ORC2: variants seen among roughly 807,000 people sequenced by gnomAD.
ORC2 encodes origin recognition complex subunit 2, also known as origin recognition complex protein 2 homolog.
ORC2 carries 37 observed loss-of-function variants against 77.7 expected under a neutral mutation model. That is an observed-to-expected ratio of 0.48 (90% CI 0.37 to 0.63). The LOEUF (loss-of-function observed/expected upper bound fraction) is 0.63. ORC2 is among the 20% of genes least tolerant of loss of function. The probability of loss-of-function intolerance (pLI) is 0.00; values close to 1 mark genes in which losing one functional copy is unlikely to be tolerated. For missense variants in ORC2, 557 were observed against 661.9 expected (o/e 0.84, Z 1.74); for synonymous variants, 201 against 229.5 (o/e 0.88, Z 1.12).
At chr2:200,930,375 G>A (rs907341873) in intron 11 of ORC2, among the ~76,000 whole-genome samples, 2 of 151,968 alleles carry the variant, frequency 1.3e-5, no homozygotes, top group African/African-American at 2.4e-5. Context: ...CACGCTGGGA[G>A]AAAAAAATGA....
intron 3 of ORC2, among the ~76,000 whole-genome samples, 172 bp from the exon 4 acceptor site, chr2:200,957,716 A>T (rs1266998686): frequency 1.4e-5 from 2 of 146,436 alleles, no homozygotes; most frequent in African/African-American, 5.0e-5. Context: ...TTATATAGTT[A>T]AAAAAAAAAA....
chr2:200,941,391 C>G (rs2041149697), intron 6 of ORC2, 112 bp from the exon 7 acceptor site: 1 of 903,872 alleles, frequency 1.1e-6, no homozygotes, highest in Non-Finnish European at 1.7e-6. Context: ...ATCTGTAATC[C>G]CAGCACTTTG....
intron 4 of ORC2, among the ~76,000 whole-genome samples, chr2:200,950,284 T>C (rs1017139692): frequency 6.6e-6 from 1 of 152,156 alleles, no homozygotes; most frequent in African/African-American, 2.4e-5. Flanking sequence ...TGAGCAGAGA[T>C]TGTGCCACTG....
chr2:200,930,569 G>T (rs2040922704), intron 11 of ORC2, among the ~76,000 whole-genome samples: 1 of 142,140 alleles, frequency 7.0e-6, no homozygotes, highest in African/African-American at 2.6e-5. Flanking sequence ...CAATCCTCCT[G>T]CCTTGGCCTC....
At chr2:200,950,054 C>T (rs1331645700) in intron 4 of ORC2, among the ~76,000 whole-genome samples, 5 of 152,028 alleles carry the variant, frequency 3.3e-5, no homozygotes, top group Non-Finnish European at 7.4e-5. Context: ...CTTTCTTGGC[C>T]GGGCGCAGTG....
intron 7 of ORC2, 51 bp downstream of exon 7, chr2:200,941,197 C>G (rs2041145525): frequency 6.8e-7 from 1 of 1,463,310 alleles, no homozygotes; most frequent in African/African-American, 1.4e-5. Flanking sequence ...AATTTTTCAT[C>G]ATGTCTTACT....
intron 15 of ORC2, among the ~76,000 whole-genome samples, chr2:200,917,762 G>T (rs2040681746): frequency 6.6e-6 from 1 of 152,078 alleles, no homozygotes; most frequent in Non-Finnish European, 1.5e-5. Flanking sequence ...GCTTTGGGAG[G>T]AGGGTACATG....
intron 11 of ORC2, among the ~76,000 whole-genome samples, chr2:200,930,963 C>T (rs1457241865): frequency 1.3e-5 from 2 of 151,820 alleles, no homozygotes; most frequent in Non-Finnish European, 2.9e-5. Flanking sequence ...AAATATTATC[C>T]TTTCATTTAA....
rs541263745 is a variant in ORC2 at position 200,920,259 on chromosome 2, G to A, written c.1429C>T (p.Leu477Phe). The A allele has an allele frequency of 2.4e-5, 39 of 1,613,750 alleles. No homozygotes were observed. In the East Asian group the frequency reaches 8.3e-4, roughly 34 times the overall value. ...KQSGSLPLSS[L>F]THVLRSLTPN... The stretch of plus-strand genomic sequence containing the variant: ...GTAAGGCTTCGTAAGACATGAGTAA[G>A]GGAGCTAAGTGGCAGGGATCCAGAC... Residue 477 changes from leucine (L) to phenylalanine (F), a missense_variant, in exon 15 of 18, where the codon CTT becomes TTT. Coordinates refer to ENST00000234296, the MANE Select transcript of ORC2 (RefSeq NM_006190.5).
Position 200,910,578 on chromosome 2 carries a change from T to C in ORC2, c.*723A>G, listed in dbSNP as rs1383904151. ...TCTCTAGCCTGGCTTCTCACTGGTATCATGAAGGTCATGGCACAGACAATA... is the reference window on the plus strand; with the variant it reads ...TCTCTAGCCTGGCTTCTCACTGGTACCATGAAGGTCATGGCACAGACAATA... On this transcript the variant is annotated 3_prime_UTR_variant, in exon 18 of 18. Coordinates refer to ENST00000234296, the MANE Select transcript of ORC2 (RefSeq NM_006190.5). 6.6e-6 allele frequency: 1 copy of C among 152,244 alleles called. No homozygotes were observed. Among genetic ancestry groups the C allele is most frequent in the Non-Finnish European group, 1.5e-5 (1 of 68,034 alleles). 9.4% of individuals were successfully genotyped at this position (152,244 alleles called of 1,614,324 possible).
chr2:200,919,017 G>T (rs181843244), intron 15 of ORC2, among the ~76,000 whole-genome samples: 63 of 152,226 alleles, frequency 4.1e-4, no homozygotes, highest in Admixed American at 1.8e-3. Context: ...TTTTTGTAGA[G>T]ATGTAGTCTC....
At chr2:200,925,115 T>G (rs1230924770) in intron 13 of ORC2, among the ~76,000 whole-genome samples, 1 of 152,148 alleles carries the variant, frequency 6.6e-6, no homozygotes, top group Non-Finnish European at 1.5e-5. Context: ...GACAAACTTG[T>G]ACCACTCAAG....
chr2:200,951,796 C>T (rs184835377), intron 4 of ORC2, among the ~76,000 whole-genome samples: 29 of 152,160 alleles, frequency 1.9e-4, no homozygotes, highest in African/African-American at 6.7e-4. Context: ...GATTAAAAGT[C>T]CTTTATCAGA....
At chr2:200,933,730 AAAG>A (rs2040983493) in intron 10 of ORC2, 143 bp downstream of exon 10, 1 of 504,942 alleles carries the variant, frequency 2.0e-6, no homozygotes, top group Non-Finnish European at 3.5e-6. Flanking sequence ...TTATATAATA[AAAG>A]AAGTAATAAT....
At chr2:200,929,040 C>T (rs575856519) in intron 11 of ORC2, among the ~76,000 whole-genome samples, 1 of 151,988 alleles carries the variant, frequency 6.6e-6, no homozygotes, top group African/African-American at 2.4e-5. Context: ...GGCTCACTGC[C>T]TCCCGCGTTC....
At chr2:200,927,780 C>T (rs1431410880) in intron 11 of ORC2, among the ~76,000 whole-genome samples, 4 of 151,442 alleles carry the variant, frequency 2.6e-5, no homozygotes, top group Non-Finnish European at 2.9e-5. Flanking sequence ...TCACTGCAAC[C>T]TCCGCCTCCC....
intron 15 of ORC2, among the ~76,000 whole-genome samples, chr2:200,918,584 GT>G (rs1553493208): frequency 1.3e-5 from 2 of 150,184 alleles, no homozygotes; most frequent in Non-Finnish European, 3.0e-5. Context: ...CGCCTCCTGG[GT>G]TCAAGCGATT....
At chr2:200,930,211 A>G (rs551831775) in intron 11 of ORC2, among the ~76,000 whole-genome samples, 19 of 152,220 alleles carry the variant, frequency 1.2e-4, no homozygotes, top group Non-Finnish European at 2.8e-4. Context: ...GAAATGGAAG[A>G]ACAGAAAAGA....
chr2:200,939,437 T>C (rs2041108063), intron 7 of ORC2, among the ~76,000 whole-genome samples: 1 of 152,160 alleles, frequency 6.6e-6, no homozygotes, highest in Non-Finnish European at 1.5e-5. Context: ...AACTAATCTC[T>C]CTTGACAGTT....
Sources: gnomAD v4.1 joint callset for allele counts (sites outside exome capture counted in the v4.1 genomes callset) on GRCh38, gnomAD v4.1.1 for gene constraint, MANE v1.5 for transcripts, NCBI Gene and HGNC (gene_info 2026-07-23, HGNC 2026-07-21) for gene names.